Variants in CRPPA observed in about 807,000 individuals in gnomAD.
The protein encoded by CRPPA is D-ribitol-5-phosphate cytidylyltransferase.
Under a neutral mutation model 52.0 loss-of-function variants are expected in CRPPA, and 43 were observed. The ratio of observed to expected loss-of-function variants is 0.83; its 90% CI spans 0.65 to 1.07. CRPPA has a LOEUF of 1.07. CRPPA is among the 50% of genes least tolerant of loss of function. The pLI is 0.00. For missense variants in CRPPA, 629 were observed against 551.7 expected (o/e 1.14, Z -1.40); for synonymous variants, 250 against 203.5 (o/e 1.23, Z -1.94).
At chr7:16,299,584 G>C (rs1784748380) in intron 5 of CRPPA, among the ~76,000 whole-genome samples, 1 of 152,104 alleles carries the variant, frequency 6.6e-6, no homozygotes, top group South Asian at 2.1e-4. Context: ...AAGTGTACCA[G>C]AAGCATCAGA....
intron 3 of CRPPA, among the ~76,000 whole-genome samples, chr7:16,314,458 C>A (rs1173811096): frequency 2.0e-5 from 3 of 152,006 alleles, no homozygotes; most frequent in African/African-American, 4.8e-5. Flanking sequence ...TTGTTTTGAA[C>A]AAAGTTACCT....
At chr7:16,181,595 T>C (rs1173283649) in intron 9 of CRPPA, among the ~76,000 whole-genome samples, 1 of 152,020 alleles carries the variant, frequency 6.6e-6, no homozygotes, top group African/African-American at 2.4e-5. Context: ...ATTATTTTCA[T>C]TGCTATAATC....
intron 9 of CRPPA, among the ~76,000 whole-genome samples, chr7:16,202,381 C>T (rs1781880073): frequency 6.6e-6 from 1 of 152,090 alleles, no homozygotes; most frequent in Non-Finnish European, 1.5e-5. Context: ...TGAAAAAGTA[C>T]TACTACTCAA....
intron 1 of CRPPA, among the ~76,000 whole-genome samples, chr7:16,408,122 T>A (rs56075308): frequency 0.39 from 52,806 of 136,456 alleles, 9,758 homozygotes; most frequent in East Asian, 0.52. Context: ...AAAAAAAAAA[T>A]AAAAAAATAA....
intron 3 of CRPPA, among the ~76,000 whole-genome samples, chr7:16,312,345 A>G (rs551705920): frequency 6.6e-6 from 1 of 152,090 alleles, no homozygotes; most frequent in African/African-American, 2.4e-5. Flanking sequence ...TGTTAGATTT[A>G]TGCCCAAGTA....
rs1295156 is a variant in CRPPA, at chr7:16,257,145, G to A, written c.1119+1245C>T. Among the ~76,000 whole-genome samples the A allele has an allele frequency of 4.5e-3, 679 of 152,108 alleles. 3 individuals carry two copies. The highest frequency in any genetic ancestry group is 0.015 in the African/African-American group (616 of 41,500). On this transcript the variant is annotated intron_variant, in intron 8 of 9. Coordinates refer to ENST00000407010, the MANE Select transcript of CRPPA (RefSeq NM_001101426.4). ...GTAGAGTTATTAGCCTTGTTTCTAC[G>A]TCGAGGAAACCAAACCTCAGAACAA...
intron 3 of CRPPA, among the ~76,000 whole-genome samples, chr7:16,320,326 A>G (rs1785233945): frequency 6.6e-6 from 1 of 152,208 alleles, no homozygotes; most frequent in Non-Finnish European, 1.5e-5. Flanking sequence ...TGGCAGGGTT[A>G]TTAACATGAG....
At chr7:16,123,445 A>C (rs1394442631) in intron 9 of CRPPA, among the ~76,000 whole-genome samples, 1 of 152,150 alleles carries the variant, frequency 6.6e-6, no homozygotes, top group Non-Finnish European at 1.5e-5. Flanking sequence ...GTCAGGAAAC[A>C]AAATCCAAAA....
intron 9 of CRPPA, among the ~76,000 whole-genome samples, chr7:16,169,699 G>A (rs1284888297): frequency 3.3e-5 from 5 of 152,202 alleles, no homozygotes; most frequent in Admixed American, 6.5e-5. Context: ...TTTGTGCTAT[G>A]CTGTATCACC....
chr7:16,232,801 A>G (rs1782840038), intron 8 of CRPPA, among the ~76,000 whole-genome samples: 1 of 152,178 alleles, frequency 6.6e-6, no homozygotes, highest in Admixed American at 6.6e-5. Flanking sequence ...CTAAGATAAA[A>G]TTCACAATGT....
chr7:16,186,822 GA>G (rs1781513466), intron 9 of CRPPA, among the ~76,000 whole-genome samples: 1 of 152,004 alleles, frequency 6.6e-6, no homozygotes, highest in Non-Finnish European at 1.5e-5. Flanking sequence ...GCAAAATCTA[GA>G]AAACTCAGAG....
At chr7:16,337,854 G>A (rs1341844883) in intron 3 of CRPPA, among the ~76,000 whole-genome samples, 2 of 152,134 alleles carry the variant, frequency 1.3e-5, no homozygotes, top group Non-Finnish European at 2.9e-5. Flanking sequence ...TGCAATCAGT[G>A]CTAAGTTTCC....
At chr7:16,148,191 T>A (rs1783010485) in intron 9 of CRPPA, among the ~76,000 whole-genome samples, 1 of 152,162 alleles carries the variant, frequency 6.6e-6, no homozygotes, top group African/African-American at 2.4e-5. Flanking sequence ...AATTTCAGCA[T>A]AACTAGACAT....
At chr7:16,322,205 C>T (rs1331631659) in intron 3 of CRPPA, among the ~76,000 whole-genome samples, 1 of 152,136 alleles carries the variant, frequency 6.6e-6, no homozygotes, top group African/African-American at 2.4e-5. Flanking sequence ...GCTTTGGAAG[C>T]TGGCACCAGG....
At position 16,118,882 on chromosome 7, in the gene CRPPA, G is replaced by A. The variant is rs935732330; in HGVS notation, c.1252-27083C>T. Among the ~76,000 whole-genome samples, 22 of 152,240 alleles carry A rather than the reference G, an allele frequency of 1.4e-4. No individual in the cohort carries two copies. In the Middle Eastern group the frequency reaches 0.01, roughly 71 times the overall value. ...AAAGACCTCCTTGGTTTAGGGATAC[G>A]AAGCCTGGGCAGTAGTTGTGTCCTC... is the stretch of plus-strand genomic sequence containing the variant. On this transcript the variant is annotated intron_variant, in intron 9 of 9. Transcript: ENST00000407010.
intron 3 of CRPPA, among the ~76,000 whole-genome samples, chr7:16,347,961 G>A (rs1433189503): frequency 6.6e-6 from 1 of 152,012 alleles, no homozygotes; most frequent in Non-Finnish European, 1.5e-5. Flanking sequence ...GCACTTCCAG[G>A]GGCCTCATCC....
chr7:16,342,166 A>G (rs764411080), intron 3 of CRPPA, among the ~76,000 whole-genome samples: 2 of 152,180 alleles, frequency 1.3e-5, no homozygotes, highest in Non-Finnish European at 2.9e-5. Flanking sequence ...TGACCCTCTG[A>G]TTATGTGTCC....
intron 9 of CRPPA, among the ~76,000 whole-genome samples, chr7:16,115,801 A>C (rs906214206): frequency 3.3e-5 from 5 of 152,212 alleles, no homozygotes; most frequent in African/African-American, 1.2e-4. Flanking sequence ...TGGAGCAACA[A>C]AATCATGAGA....
chr7:16,148,199 C>T (rs1436697839), intron 9 of CRPPA, among the ~76,000 whole-genome samples: 1 of 152,104 alleles, frequency 6.6e-6, no homozygotes, highest in African/African-American at 2.4e-5. Flanking sequence ...CATAACTAGA[C>T]ATAATTTTCT....
Sources: gnomAD v4.1 joint callset for allele counts (sites outside exome capture counted in the v4.1 genomes callset) on GRCh38, gnomAD v4.1.1 for gene constraint, MANE v1.5 for transcripts, NCBI Gene and HGNC (gene_info 2026-07-23, HGNC 2026-07-21) for gene names.